SHPRH: variants seen among roughly 807,000 people sequenced by gnomAD.
SHPRH encodes E3 ubiquitin-protein ligase SHPRH.
SHPRH carries 106 observed loss-of-function variants against 202.5 expected under a neutral mutation model. That is an observed-to-expected ratio of 0.52 (90% CI 0.45 to 0.62). The LOEUF is 0.62. SHPRH is among the 20% of genes least tolerant of loss of function. The pLI, the probability that SHPRH is intolerant of heterozygous loss-of-function variation, is 0.00. For missense variants in SHPRH, 1,710 were observed against 2,020.0 expected, an observed-to-expected ratio of 0.85 and a Z score of 2.94; for synonymous variants, 729 against 686.0, an observed-to-expected ratio of 1.06 and a Z score of -0.98.
intron 23 of SHPRH, among the ~76,000 whole-genome samples, chr6:145,915,628 G>C (rs1783883663): frequency 6.6e-6 from 1 of 151,958 alleles, no homozygotes; most frequent in Non-Finnish European, 1.5e-5. Flanking sequence ...GTTACATAGA[G>C]AAACTATGGA....
chr6:145,936,009 T>A lies in SHPRH; in HGVS notation c.2570-568A>T, dbSNP rs1786027539. On this transcript the variant is annotated intron_variant, in intron 11 of 29. Coordinates refer to ENST00000275233, the MANE Select transcript of SHPRH (RefSeq NM_001042683.3). Reference sequence around the variant, plus strand: ...AGAAAAATGACTCAAATAAATAAATTATAGTAATCCCACAAAATAGAACTA... The same window carrying A: ...AGAAAAATGACTCAAATAAATAAATAATAGTAATCCCACAAAATAGAACTA... Among the ~76,000 whole-genome samples the A allele has an allele frequency of 2.6e-5, 4 of 152,304 alleles. No individual in the cohort carries two copies. The South Asian group carries it at 8.3e-4, about 32-fold the overall frequency.
At chr6:145,895,983 G>A (rs1583320466) in intron 25 of SHPRH, among the ~76,000 whole-genome samples, 1 of 152,064 alleles carries the variant, frequency 6.6e-6, no homozygotes, top group East Asian at 1.9e-4. Context: ...TATACCACAA[G>A]GGGGAGCAGA....
chr6:145,893,303 C>T lies in SHPRH; in HGVS notation c.4786G>A (p.Ala1596Thr), dbSNP rs756805482. 6.2e-7 allele frequency: 1 copy of T among 1,602,584 alleles called. No individual in the cohort carries two copies. Among genetic ancestry groups the T allele is most frequent in the Non-Finnish European group, 8.5e-7 (1 of 1,174,912 alleles). The change falls in exon 28 of 30, where the codon GCA becomes ACA. Residue 1596 changes from alanine to threonine, a missense_variant. Transcript: ENST00000275233. ...TGSNGLTIIE[A>T]THVLLVEPIL... ...GGCTCCACCAAGAGAACATGAGTTG[C>T]TTCAATGATAGTTAATCCATTAGAA...
chr6:145,946,373 T>A (rs765560426), intron 6 of SHPRH, 32 bp from the exon 7 acceptor site: 16 of 1,522,454 alleles, frequency 1.1e-5, no homozygotes, highest in Non-Finnish European at 1.4e-5. Context: ...AGTTACACAG[T>A]GTTTTGCTTT....
rs762160529 is a variant in SHPRH, at chr6:145,955,118, C to T, written c.205G>A (p.Asp69Asn). 8 of 1,613,500 alleles carry T rather than the reference C, an allele frequency of 5.0e-6. No homozygotes were observed. The Admixed American group carries it at 1.2e-4, about 24-fold the overall frequency. ...ACCACTTTTGAACACCTCTTCTTATCTCTGTGAGCCACTTCTTCCTTTAGA... is the reference window on the plus strand; with the variant it reads ...ACCACTTTTGAACACCTCTTCTTATTTCTGTGAGCCACTTCTTCCTTTAGA... ...DSLKEEVAHR[D>N]KKRCSKVVSF... is the part of the protein sequence containing the mutation. The change falls in exon 2 of 30, where the codon GAT (aspartate) becomes AAT (asparagine). Residue 69 changes from aspartate (D) to asparagine (N), a missense_variant. Coordinates refer to ENST00000275233, the MANE Select transcript of SHPRH (RefSeq NM_001042683.3).
rs1415732042 is a variant in SHPRH at position 145,955,123 on chromosome 6, T to C, written c.200A>G (p.His67Arg). 6.2e-7 allele frequency: 1 copy of C among 1,613,630 alleles called. No individual in the cohort carries two copies. The highest frequency in any genetic ancestry group is 8.5e-7 in the Non-Finnish European group (1 of 1,179,948). ...LSDSLKEEVA[H>R]RDKKRCSKVV... ...TTTTGAACACCTCTTCTTATCTCTG[T>C]GAGCCACTTCTTCCTTTAGACTATC... The change falls in exon 2 of 30, where the codon CAC becomes CGC. Residue 67 changes from histidine (H) to arginine (R), a missense_variant. Coordinates refer to ENST00000275233, the MANE Select transcript of SHPRH (RefSeq NM_001042683.3).
At chr6:145,894,050 C>T (rs1781793838) in intron 27 of SHPRH, 100 bp downstream of exon 27, 9 of 769,156 alleles carry the variant, frequency 1.2e-5, no homozygotes, top group African/African-American at 5.5e-5. Context: ...GTTTATGTGG[C>T]TTATATGGCA....
chr6:145,902,133 C>CT (rs1165152711), intron 25 of SHPRH, among the ~76,000 whole-genome samples: 1 of 152,056 alleles, frequency 6.6e-6, no homozygotes, highest in Non-Finnish European at 1.5e-5. Flanking sequence ...AAGTCTTCCA[C>CT]TTTCTGGAAA....
intron 25 of SHPRH, among the ~76,000 whole-genome samples, chr6:145,901,811 T>C (rs1782528981): frequency 6.6e-6 from 1 of 152,072 alleles, no homozygotes; most frequent in Non-Finnish European, 1.5e-5. Flanking sequence ...CTTAGTCTCT[T>C]CAGCACACAC....
At chr6:145,927,142 T>C in intron 15 of SHPRH, 47 bp downstream of exon 15, 1 of 1,549,480 alleles carries the variant, frequency 6.5e-7, no homozygotes. Flanking sequence ...ATTATTTTGT[T>C]AAAAAAACAA....
chr6:145,942,867 G>A (rs755162853), intron 9 of SHPRH, among the ~76,000 whole-genome samples: 15 of 152,144 alleles, frequency 9.9e-5, no homozygotes, highest in Non-Finnish European at 2.1e-4. Context: ...CTTATACCAA[G>A]AATTTCTCAT....
intron 1 of SHPRH, among the ~76,000 whole-genome samples, chr6:145,960,143 C>T (rs187720902): frequency 2.2e-4 from 33 of 152,308 alleles, no homozygotes; most frequent in African/African-American, 7.0e-4. Flanking sequence ...AGCAGTTTGG[C>T]TCTGCTTAAT....
chr6:145,889,438 G>A (rs1781397459), intron 28 of SHPRH, among the ~76,000 whole-genome samples: 1 of 152,088 alleles, frequency 6.6e-6, no homozygotes, highest in South Asian at 2.1e-4. Context: ...GGTAATATAT[G>A]ACAGGTTGAG....
intron 24 of SHPRH, among the ~76,000 whole-genome samples, chr6:145,911,859 T>C (rs1451300376): frequency 6.6e-6 from 1 of 152,150 alleles, no homozygotes; most frequent in Non-Finnish European, 1.5e-5. Flanking sequence ...ATACTATTCC[T>C]ACTGTTCTCT....
At chr6:145,889,669 A>G (rs907334587) in intron 28 of SHPRH, among the ~76,000 whole-genome samples, 1 of 152,188 alleles carries the variant, frequency 6.6e-6, no homozygotes, top group Non-Finnish European at 1.5e-5. Context: ...CTGGGGTTTC[A>G]TTCCTAAGAT....
downstream of SHPRH, among the ~76,000 whole-genome samples, chr6:145,860,263 A>G (rs1342745259): frequency 6.6e-6 from 1 of 152,054 alleles, no homozygotes; most frequent in Non-Finnish European, 1.5e-5. Flanking sequence ...TAAAGGTGCC[A>G]CAAAAAAACT....
intron 9 of SHPRH, 139 bp from the exon 10 acceptor site, chr6:145,942,013 T>G (rs1379512139): frequency 2.0e-6 from 2 of 991,586 alleles, no homozygotes; most frequent in Non-Finnish European, 2.9e-6. Context: ...CATACCTGTT[T>G]GGAGAAAGAC....
At chr6:145,937,219 G>C (rs1479091124) in intron 11 of SHPRH, among the ~76,000 whole-genome samples, 2 of 151,532 alleles carry the variant, frequency 1.3e-5, no homozygotes, top group Non-Finnish European at 2.9e-5. Flanking sequence ...CCTGACCTCA[G>C]ATGATCCACC....
At chr6:145,955,588 T>C (rs938815075) in intron 1 of SHPRH, among the ~76,000 whole-genome samples, 13 of 152,140 alleles carry the variant, frequency 8.5e-5, no homozygotes, top group Admixed American at 6.6e-4. Context: ...TCTTTAATAG[T>C]AAAGGCAATT....
Sources: gnomAD v4.1 joint callset for allele counts (sites outside exome capture counted in the v4.1 genomes callset) on GRCh38, gnomAD v4.1.1 for gene constraint, MANE v1.5 for transcripts, NCBI Gene and HGNC (gene_info 2026-07-23, HGNC 2026-07-21) for gene names.